DYDC2: variants seen among roughly 807,000 people sequenced by gnomAD.
DYDC2 encodes the protein DPY30 domain containing 2, also known as DPY30 domain-containing protein 2.
Under a neutral mutation model 18.7 loss-of-function variants are expected in DYDC2, and 19 were observed. The ratio of observed to expected loss-of-function variants is 1.02; its 90% confidence interval spans 0.71 to 1.49. The LOEUF is 1.49. Among genes scored for constraint, DYDC2 ranks in the 40% most tolerant of loss-of-function variants. The pLI is 0.00. For synonymous variants in DYDC2, 63 were observed against 67.6 expected (o/e 0.93, Z 0.34); for missense variants, 179 against 205.1 (o/e 0.87, Z 0.78).
chr10:80,351,861 G>A (rs372259983), upstream of DYDC2: 56 of 1,588,494 alleles, frequency 3.5e-5, no homozygotes, highest in African/African-American at 5.0e-4. Flanking sequence ...GGTTGGCATC[G>A]TTAATTCCAG....
chr10:80,356,811 G>C lies in DYDC2; in HGVS notation c.-177G>C, dbSNP rs910816175. On this transcript the variant is annotated 5_prime_UTR_variant, in exon 1 of 5. Coordinates refer to ENST00000256039, the MANE Select transcript of DYDC2 (RefSeq NM_032372.6). The stretch of plus-strand genomic sequence containing the variant: ...CCAGTGTAGGCGCCGCAAAGCGGAA[G>C]GGGCGCGCGGATAGGTGAGCAGAGG... 2.0e-6 allele frequency: 2 copies of C among 985,526 alleles called. No homozygotes were observed. Among genetic ancestry groups the C allele is most frequent in the East Asian group, 1.1e-4 (1 of 8,824 alleles). 61.0% of individuals were successfully genotyped at this position (985,526 alleles called of 1,614,324 possible).
chr10:80,352,582 T>G, upstream of DYDC2: 1 of 1,608,396 alleles, frequency 6.2e-7, no homozygotes, highest in Non-Finnish European at 8.5e-7. Context: ...AAGGTGCTTT[T>G]GAAGATATAT....
intron 4 of DYDC2, 104 bp from the exon 5 acceptor site, chr10:80,366,584 T>A: frequency 7.2e-7 from 1 of 1,381,494 alleles, no homozygotes; most frequent in South Asian, 1.4e-5. Context: ...TTCAGTTTGG[T>A]TCTTAGTCTC....
chr10:80,344,823 C>A, intron 1 of DYDC2: 1 of 231,430 alleles, frequency 4.3e-6, no homozygotes, highest in Non-Finnish European at 8.6e-6. Flanking sequence ...ACTGTAAGTC[C>A]AATTAAACCT....
In DYDC2 at chr10:80,348,779, G is replaced by A. The variant is rs971020530; in HGVS notation, c.-310+3964G>A. 2.0e-5 allele frequency among the ~76,000 whole-genome samples: 3 copies of A among 152,278 alleles called. No individual in the cohort carries two copies. In the East Asian group the frequency reaches 5.8e-4, roughly 29 times the overall value. On this transcript the variant is annotated intron_variant, in intron 1 of 4. Transcript: ENST00000372197. ...GAAATACCTTCTAAGGAATGAATATGCTTAATTTAAATTATACACACATAG... is the reference window on the plus strand; with the variant it reads ...GAAATACCTTCTAAGGAATGAATATACTTAATTTAAATTATACACACATAG...
chr10:80,348,137 T>C (rs1042659615), intron 1 of DYDC2, among the ~76,000 whole-genome samples: 3 of 152,228 alleles, frequency 2.0e-5, no homozygotes, highest in Non-Finnish European at 2.9e-5. Flanking sequence ...TTTGCATTAG[T>C]GTTTTACAGT....
intron 2 of DYDC2, among the ~76,000 whole-genome samples, chr10:80,358,950 G>T (rs188704848): frequency 6.6e-6 from 1 of 152,212 alleles, no homozygotes; most frequent in Non-Finnish European, 1.5e-5. Context: ...TTTGCAGTGA[G>T]TGTTACAGCT....
chr10:80,366,012 G>T (rs1201522046), intron 4 of DYDC2, among the ~76,000 whole-genome samples: 2 of 149,092 alleles, frequency 1.3e-5, no homozygotes, highest in Admixed American at 1.3e-4. Context: ...TGTCATTTTG[G>T]GACCTTTTTC....
upstream of DYDC2, among the ~76,000 whole-genome samples, chr10:80,354,835 A>C (rs1843257404): frequency 2.6e-5 from 4 of 152,184 alleles, no homozygotes; most frequent in Admixed American, 6.5e-5. Context: ...CAGCCTCCAG[A>C]ATGGTGAGAA....
At chr10:80,350,793 GCT>G (rs1189173340) in intron 1 of DYDC2, among the ~76,000 whole-genome samples, 1 of 152,100 alleles carries the variant, frequency 6.6e-6, no homozygotes, top group East Asian at 1.9e-4. Context: ...TAGCTTAGAA[GCT>G]CTCTATAAAT....
intron 1 of DYDC2, among the ~76,000 whole-genome samples, chr10:80,351,018 G>T (rs1036770236): frequency 6.6e-6 from 1 of 152,060 alleles, no homozygotes; most frequent in Non-Finnish European, 1.5e-5. Context: ...AAATCAAATG[G>T]CACGATTATC....
At chr10:80,353,984 C>T (rs576167748), upstream of DYDC2, among the ~76,000 whole-genome samples, 7 of 151,984 alleles carry the variant, frequency 4.6e-5, no homozygotes, top group Non-Finnish European at 8.8e-5. Flanking sequence ...GGCGTGGTGG[C>T]GGGCGCCTGT....
At chr10:80,347,639 A>C (rs1368854313) in intron 1 of DYDC2, among the ~76,000 whole-genome samples, 1 of 152,208 alleles carries the variant, frequency 6.6e-6, no homozygotes, top group Non-Finnish European at 1.5e-5. Context: ...GTATGGTGGA[A>C]GACAAGGATC....
rs183509626 is a variant in DYDC2, at chr10:80,346,705, C to T, written c.-310+1890C>T. 4.7e-3 allele frequency among the ~76,000 whole-genome samples: 714 copies of T among 151,402 alleles called. 3 individuals are homozygous for T. Among genetic ancestry groups the T allele is most frequent in the African/African-American group, 0.017 (682 of 41,316 alleles). ...TCAATCTCCTGACTTTGTGATCTGC[C>T]CGCCTCAGCCTCCCGAAGTGCTGGG... On this transcript the variant is annotated intron_variant, in intron 1 of 4. Transcript: ENST00000372197.
chr10:80,352,663 A>G (rs1843074431), upstream of DYDC2: 5 of 1,546,658 alleles, frequency 3.2e-6, no homozygotes, highest in Non-Finnish European at 4.4e-6. Flanking sequence ...TAAAGTCACT[A>G]TAAAACTAAA....
chr10:80,363,315 TACTGG>T (rs1404055521), intron 4 of DYDC2, among the ~76,000 whole-genome samples: 9 of 151,438 alleles, frequency 5.9e-5, no homozygotes, highest in Non-Finnish European at 1.2e-4. Flanking sequence ...ACTCTGGTGT[TACTGG>T]TTTTAAAAAA....
upstream of DYDC2, chr10:80,356,223 T>C (rs1000073229): frequency 6.1e-6 from 6 of 982,088 alleles, no homozygotes; most frequent in Non-Finnish European, 7.3e-6. Context: ...CCATCTCTCC[T>C]GTGGTAAGCA....
chr10:80,358,584 C>T (rs553079235), intron 2 of DYDC2, among the ~76,000 whole-genome samples: 1 of 152,270 alleles, frequency 6.6e-6, no homozygotes, highest in African/African-American at 2.4e-5. Context: ...GTGGCAGCCA[C>T]CCCCTGACTA....
At chr10:80,354,144 AT>A, upstream of DYDC2, among the ~76,000 whole-genome samples, 1 of 148,644 alleles carries the variant, frequency 6.7e-6, no homozygotes, top group South Asian at 2.1e-4. Flanking sequence ...ATATATATAT[AT>A]TTTTTCCTGA....
Sources: gnomAD v4.1 joint callset for allele counts (sites outside exome capture counted in the v4.1 genomes callset) on GRCh38, gnomAD v4.1.1 for gene constraint, MANE v1.5 for transcripts, NCBI Gene and HGNC (gene_info 2026-07-23, HGNC 2026-07-21) for gene names.